The following ENY2 variants were observed in gnomAD, a reference collection of about 807,000 sequenced individuals.
ENY2 encodes transcription and mRNA export factor ENY2.
A neutral mutation model predicts 15.9 loss-of-function variants in ENY2; 4 were observed. The observed-to-expected ratio is 0.25, with a 90% confidence interval of 0.12 to 0.57. ENY2 has a LOEUF of 0.57. ENY2 is among the 20% of genes least tolerant of loss of function. ENY2 has a pLI of 0.91. For synonymous variants in ENY2, 48 were observed against 38.0 expected, an observed-to-expected ratio of 1.26 and a Z score of -0.97; for missense variants, 54 against 117.2, an observed-to-expected ratio of 0.46 and a Z score of 2.49.
rs1450512564 is a variant in ENY2 at position 109,345,077 on chromosome 8, TC to T, written c.*1597del. 1.3e-5 allele frequency: 2 copies of T among 152,176 alleles called. No homozygotes were observed. Among genetic ancestry groups the T allele is most frequent in the Admixed American group, 1.3e-4 (2 of 15,270 alleles). The allele number at this position is 152,176 out of a possible 1,614,324, so 9.4% of individuals were successfully genotyped here. A position where few individuals can be genotyped will look rare whatever the true frequency, so the allele number is the denominator to read the frequency against. ...TACCTTTGAACCCAGAAGCCCCCTT[TC>T]TCATATGTTTCTCATTCCTGTTTGC... is the stretch of plus-strand genomic sequence containing the variant. On this transcript the variant is annotated 3_prime_UTR_variant, in exon 5 of 5. Coordinates refer to ENST00000521688, the MANE Select transcript of ENY2 (RefSeq NM_020189.6).
chr8:109,343,726 A>G lies in ENY2; in HGVS notation c.*245A>G. The G allele has an allele frequency of 2.4e-6, 1 of 424,488 alleles. No homozygotes were observed. The highest frequency in any genetic ancestry group is 4.2e-6 in the Non-Finnish European group (1 of 239,178). 26.3% of individuals were successfully genotyped at this position (424,488 alleles called of 1,614,324 possible). On this transcript the variant is annotated 3_prime_UTR_variant, in exon 5 of 5. Transcript: ENST00000521688. ...TTTGTCTTTATTACTAATTCACCAAATTTGTTGAGCGCAAAAGCAATTAAT... is the reference window on the plus strand; with the variant it reads ...TTTGTCTTTATTACTAATTCACCAAGTTTGTTGAGCGCAAAAGCAATTAAT...
rs769055849 is a variant in ENY2, at chr8:109,344,687, C to G, written c.*1206C>G. The G allele has an allele frequency of 6.6e-6, 1 of 152,224 alleles. No homozygotes were observed. The highest frequency in any genetic ancestry group is 2.4e-5 in the African/African-American group (1 of 41,444). The allele number at this position is 152,224 out of a possible 1,614,324, so 9.4% of individuals were successfully genotyped here. A position where few individuals can be genotyped will look rare whatever the true frequency, so the allele number is the denominator to read the frequency against. ...AGATAAGGGGCATGGCTTTAAGATT[C>G]TGTATTTCTGGCGAGTACCCAACTG... is the stretch of plus-strand genomic sequence containing the variant. On this transcript the variant is annotated 3_prime_UTR_variant, in exon 5 of 5. Coordinates refer to ENST00000521688, the MANE Select transcript of ENY2 (RefSeq NM_020189.6).
chr8:109,336,354 T>C, intron 2 of ENY2, 150 bp downstream of exon 2: 2 of 724,438 alleles, frequency 2.8e-6, no homozygotes, highest in Non-Finnish European at 4.4e-6. Context: ...AAAAATAATT[T>C]AGGTTTGTTA....
At chr8:109,340,299 GAAC>G in intron 3 of ENY2, 187 bp from the exon 4 acceptor site, 2 of 709,116 alleles carry the variant, frequency 2.8e-6, no homozygotes, top group Non-Finnish European at 4.4e-6. Flanking sequence ...TGAGACTTAC[GAAC>G]AACTTTTATC....
At chr8:109,334,831 C>A in intron 1 of ENY2, 1 of 365,942 alleles carries the variant, frequency 2.7e-6, no homozygotes. Flanking sequence ...GTTCAATATT[C>A]CAGGAGTGGT....
intron 4 of ENY2, chr8:109,342,604 C>G (rs1816146444): frequency 1.6e-6 from 1 of 643,478 alleles, no homozygotes; most frequent in African/African-American, 1.9e-5. Context: ...ATCTCCCAGG[C>G]TTAAGTGATC....
At chr8:109,340,823 A>G (rs759054660) in intron 4 of ENY2, 8 of 365,084 alleles carry the variant, frequency 2.2e-5, no homozygotes, top group Non-Finnish European at 4.0e-5. Context: ...TTTTTAAAAT[A>G]CGGGATTCTG....
intron 2 of ENY2, among the ~76,000 whole-genome samples, chr8:109,338,162 C>CT (rs1284383748): frequency 6.6e-6 from 1 of 152,042 alleles, no homozygotes; most frequent in Non-Finnish European, 1.5e-5. Flanking sequence ...AGGAGAAGAA[C>CT]TAAGTGTACA....
At chr8:109,335,958 G>T in intron 1 of ENY2, 170 bp from the exon 2 acceptor site, 1 of 568,942 alleles carries the variant, frequency 1.8e-6, no homozygotes, top group Non-Finnish European at 3.0e-6. Context: ...CATTAGCCCA[G>T]TGCCAAGCAC....
chr8:109,345,088 T>C lies in ENY2; in HGVS notation c.*1607T>C, dbSNP rs1816214398. The C allele has an allele frequency of 6.6e-6, 1 of 152,190 alleles. No homozygotes were observed. The highest frequency in any genetic ancestry group is 6.5e-5 in the Admixed American group (1 of 15,274). 9.4% of individuals were successfully genotyped at this position (152,190 alleles called of 1,614,324 possible). On this transcript the variant is annotated 3_prime_UTR_variant, in exon 5 of 5. Coordinates refer to ENST00000521688, the MANE Select transcript of ENY2 (RefSeq NM_020189.6). ...CCAGAAGCCCCCTTTCTCATATGTT[T>C]CTCATTCCTGTTTGCCCTTCAGAGT...
chr8:109,342,622 C>G (rs978587492), intron 4 of ENY2: 12 of 665,632 alleles, frequency 1.8e-5, no homozygotes, highest in Non-Finnish European at 2.7e-5. Context: ...ATCCTTCTCC[C>G]TCAGCTTCCC....
At chr8:109,339,087 A>T (rs1233506148) in intron 2 of ENY2, 46 of 550,698 alleles carry the variant, frequency 8.4e-5, no homozygotes, top group Non-Finnish European at 9.7e-6. Flanking sequence ...TAGCCCCTCC[A>T]CTTCATTTAA....
chr8:109,335,475 GC>G (rs1228981526), intron 1 of ENY2: 1 of 149,742 alleles, frequency 6.7e-6, no homozygotes, highest in African/African-American at 2.5e-5. Flanking sequence ...CGATTCTCCT[GC>G]CTCAGCCTCC....
At chr8:109,337,402 CTG>C (rs1816009558) in intron 2 of ENY2, among the ~76,000 whole-genome samples, 1 of 151,216 alleles carries the variant, frequency 6.6e-6, no homozygotes, top group Admixed American at 6.6e-5. Flanking sequence ...CTTCAAGTTA[CTG>C]AGTTTCTATC....
At chr8:109,342,694 A>G (rs916572126) in intron 4 of ENY2, 1 of 697,608 alleles carries the variant, frequency 1.4e-6, no homozygotes, top group African/African-American at 1.8e-5. Flanking sequence ...TTGTAGAGAC[A>G]GGTTTCGCCA....
At chr8:109,342,449 T>C (rs28458449) in intron 4 of ENY2, among the ~76,000 whole-genome samples, 31 of 150,202 alleles carry the variant, frequency 2.1e-4, no homozygotes, top group African/African-American at 7.3e-4. Context: ...ATATATTATG[T>C]ATGTTTATAT....
chr8:109,339,003 T>G, intron 2 of ENY2: 2 of 288,508 alleles, frequency 6.9e-6, no homozygotes, highest in Non-Finnish European at 6.6e-6. Context: ...ACAAGACCCA[T>G]GATATTCCTG....
At chr8:109,340,701 T>G in intron 4 of ENY2, 138 bp downstream of exon 4, 1 of 1,029,586 alleles carries the variant, frequency 9.7e-7, no homozygotes, top group South Asian at 1.7e-5. Flanking sequence ...TAAAATTGCC[T>G]ACCTGCCTCC....
chr8:109,339,268 C>G, intron 2 of ENY2, 52 bp from the exon 3 acceptor site: 1 of 1,539,030 alleles, frequency 6.5e-7, no homozygotes, highest in Non-Finnish European at 9.0e-7. Flanking sequence ...TCATACATTC[C>G]TGTCTAAGAT....
Sources: allele counts gnomAD v4.1 joint callset (sites outside exome capture counted in the v4.1 genomes callset), GRCh38; gene constraint gnomAD v4.1.1; transcripts MANE v1.5; gene names NCBI Gene and HGNC (gene_info 2026-07-23, HGNC 2026-07-21).